Variants in CADPS observed in about 807,000 individuals in gnomAD.
CADPS encodes calcium dependent secretion activator, also known as calcium-dependent secretion activator 1.
In CADPS, 57 loss-of-function variants were observed where a neutral mutation model predicts 167.3. The ratio of observed to expected loss-of-function variants is 0.34; its 90% CI spans 0.28 to 0.42. CADPS has a LOEUF of 0.42. CADPS is among the 20% of genes least tolerant of loss of function. CADPS has a pLI of 1.00. For synonymous variants in CADPS, 676 were observed against 635.3 expected, an observed-to-expected ratio of 1.06 and a Z score of -0.96; for missense variants, 1,414 against 1,738.1, an observed-to-expected ratio of 0.81 and a Z score of 3.32.
At chr3:62,801,740 C>T (rs1456417234) in intron 1 of CADPS, among the ~76,000 whole-genome samples, 4 of 152,042 alleles carry the variant, frequency 2.6e-5, no homozygotes, top group Middle Eastern at 3.4e-3. Context: ...GTGTCATTAC[C>T]CCGTTTTACG....
In CADPS at chr3:62,592,715, A is replaced by G. The variant is rs780680478; in HGVS notation, c.1359T>C (p.His453=). ...GCTTCACCTTCACAGCTGGCAGTGC[A>G]TGGGTTGTGGAGAAGTCACCCTGGG... ...WGTQGDFSTT[H]ALPAVKVKLF... The change falls in exon 7 of 30, where the codon CAT becomes CAC. Residue 453 remains histidine, a synonymous_variant. Coordinates refer to ENST00000383710, the MANE Select transcript of CADPS (RefSeq NM_003716.4). 1.1e-5 allele frequency: 18 copies of G among 1,614,060 alleles called. No homozygotes were observed. The highest frequency in any genetic ancestry group is 1.5e-5 in the Non-Finnish European group (18 of 1,180,016).
chr3:62,722,654 C>G (rs1178715760), intron 3 of CADPS, among the ~76,000 whole-genome samples: 1 of 152,230 alleles, frequency 6.6e-6, no homozygotes, highest in Non-Finnish European at 1.5e-5. Flanking sequence ...GCAATTGTCT[C>G]TCCAACCATG....
chr3:62,569,388 C>T lies in CADPS; in HGVS notation c.1644+1484G>A, dbSNP rs551130633. On this transcript the variant is annotated intron_variant, in intron 9 of 29. Coordinates refer to ENST00000383710, the MANE Select transcript of CADPS (RefSeq NM_003716.4). ...AAGTGCTGGGATTACAGGCGTGAGCCACCGTGCTGGGCAGCCGTGGGTTAT... is the reference window on the plus strand; with the variant it reads ...AAGTGCTGGGATTACAGGCGTGAGCTACCGTGCTGGGCAGCCGTGGGTTAT... 2.2e-3 allele frequency among the ~76,000 whole-genome samples: 338 copies of T among 152,344 alleles called. 3 individuals carry two copies. The highest frequency in any genetic ancestry group is 7.9e-3 in the African/African-American group (327 of 41,572).
At chr3:62,631,971 C>T (rs1405326540) in intron 6 of CADPS, among the ~76,000 whole-genome samples, 3 of 152,204 alleles carry the variant, frequency 2.0e-5, no homozygotes, top group African/African-American at 7.2e-5. Context: ...AGGTGACCAA[C>T]TGTCTGTTTG....
At chr3:62,833,166 T>C (rs1559835903) in intron 1 of CADPS, among the ~76,000 whole-genome samples, 1 of 152,010 alleles carries the variant, frequency 6.6e-6, no homozygotes, top group Admixed American at 6.6e-5. Flanking sequence ...CTTTGATTGA[T>C]TGATTTGAGA....
Position 62,399,550 on chromosome 3 carries a change from C to G in CADPS, c.3918G>C (p.Leu1306=). The G allele has an allele frequency of 6.2e-7, 1 of 1,614,032 alleles. No individual in the cohort carries two copies. Among genetic ancestry groups the G allele is most frequent in the East Asian group, 2.2e-5 (1 of 44,868 alleles). Residue 1306 remains leucine (L), a synonymous_variant, in exon 30 of 30, where the codon CTG becomes CTC. Coordinates refer to ENST00000383710, the MANE Select transcript of CADPS (RefSeq NM_003716.4). The surrounding 1 kb of genome is among the most constrained non-coding windows in gnomAD (Gnocchi z 5.6). ...AGGTCTTGCTGTTTAAGGTGGAGTC[C>G]AGGACCCCTTGCAATCGGAAATCTC... ...TYRDFRLQGV[L]DSTLNSKTYE... is the part of the protein sequence containing the mutation.
At chr3:62,718,235 A>G (rs992244925) in intron 3 of CADPS, among the ~76,000 whole-genome samples, 2 of 152,118 alleles carry the variant, frequency 1.3e-5, no homozygotes, top group African/African-American at 4.8e-5. Flanking sequence ...CCTTTCCAGC[A>G]CCATGTCTGA....
chr3:62,476,909 C>G (rs921013539), intron 23 of CADPS, among the ~76,000 whole-genome samples: 9 of 151,990 alleles, frequency 5.9e-5, no homozygotes, highest in Admixed American at 2.6e-4. Flanking sequence ...TCTAGGAGAT[C>G]GTGGAATTCA....
chr3:62,485,477 C>T (rs2150946734), intron 21 of CADPS, among the ~76,000 whole-genome samples: 1 of 152,322 alleles, frequency 6.6e-6, no homozygotes, highest in South Asian at 2.1e-4. Flanking sequence ...CTTATGTCCT[C>T]ATAACTTTTC....
chr3:62,484,380 G>C (rs1424618579), intron 21 of CADPS, among the ~76,000 whole-genome samples: 2 of 152,076 alleles, frequency 1.3e-5, no homozygotes, highest in African/African-American at 2.4e-5. Flanking sequence ...TTCCAATCAG[G>C]CTCCTGGAAC....
At chr3:62,782,641 G>T (rs1034577449) in intron 1 of CADPS, among the ~76,000 whole-genome samples, 42 of 152,194 alleles carry the variant, frequency 2.8e-4, no homozygotes, top group African/African-American at 9.4e-4. Flanking sequence ...CATTGAAAGA[G>T]CAGAAATATT....
At chr3:62,812,843 C>T (rs1379385274) in intron 1 of CADPS, among the ~76,000 whole-genome samples, 1 of 152,112 alleles carries the variant, frequency 6.6e-6, no homozygotes, top group Admixed American at 6.6e-5. Context: ...ATGTGTAAGA[C>T]CCTTTTAGTT....
intron 26 of CADPS, among the ~76,000 whole-genome samples, chr3:62,450,703 G>A (rs954939045): frequency 3.9e-5 from 6 of 152,354 alleles, no homozygotes; most frequent in Middle Eastern, 3.4e-3. Context: ...AAATTGGGAA[G>A]AGCCGCTGTC....
chr3:62,760,826 C>T (rs995987397), intron 2 of CADPS, among the ~76,000 whole-genome samples: 2 of 152,214 alleles, frequency 1.3e-5, no homozygotes, highest in Non-Finnish European at 2.9e-5. Context: ...TAAACGTCTT[C>T]TTGCATAGAT....
chr3:62,844,013 A>C (rs547238577), intron 1 of CADPS, among the ~76,000 whole-genome samples: 1 of 152,184 alleles, frequency 6.6e-6, no homozygotes, highest in African/African-American at 2.4e-5. Flanking sequence ...TAAAATTTGA[A>C]ACCTTAATCC....
chr3:62,790,540 C>T (rs1011194217), intron 1 of CADPS, among the ~76,000 whole-genome samples: 1 of 152,068 alleles, frequency 6.6e-6, no homozygotes, highest in African/African-American at 2.4e-5. Flanking sequence ...GCAAATAGTA[C>T]AGTGGGGAGT....
At chr3:62,402,157 G>A (rs913769731) in intron 29 of CADPS, among the ~76,000 whole-genome samples, 2 of 140,676 alleles carry the variant, frequency 1.4e-5, no homozygotes, top group African/African-American at 2.6e-5. Flanking sequence ...TACACACAAC[G>A]GAACAGCAGT....
Position 62,474,165 on chromosome 3 carries a change from T to C in CADPS, c.3477+8A>G, listed in dbSNP as rs906768367. On this transcript the variant is annotated splice_region_variant and intron_variant, in intron 24 of 29. Coordinates refer to ENST00000383710, the MANE Select transcript of CADPS (RefSeq NM_003716.4). The stretch of plus-strand genomic sequence containing the variant: ...AAAAAAAATCTGTATTTTTTTTTTT[T>C]TTTTTACCTCTTGGCCCATTTCCAT... 6.9e-7 allele frequency: 1 copy of C among 1,446,118 alleles called. No individual in the cohort carries two copies. Among genetic ancestry groups the C allele is most frequent in the South Asian group, 1.5e-5 (1 of 67,256 alleles). The allele number at this position is 1,446,118 out of a possible 1,614,324, so 89.6% of individuals were successfully genotyped here. A position where few individuals can be genotyped will look rare whatever the true frequency, so the allele number is the denominator to read the frequency against.
chr3:62,809,060 T>G (rs1461536319), intron 1 of CADPS, among the ~76,000 whole-genome samples: 1 of 152,188 alleles, frequency 6.6e-6, no homozygotes, highest in African/African-American at 2.4e-5. Context: ...TTGAGTCTAT[T>G]GCCAGATATA....
Sources: allele counts gnomAD v4.1 joint callset (sites outside exome capture counted in the v4.1 genomes callset), GRCh38; gene constraint gnomAD v4.1.1; non-coding constraint Gnocchi (gnomAD v3.1); transcripts MANE v1.5; gene names NCBI Gene and HGNC (gene_info 2026-07-23, HGNC 2026-07-21).